The following ZNF264 variants were observed in gnomAD, a reference collection of about 807,000 sequenced individuals.
The protein encoded by ZNF264 is zinc finger protein 264.
Under a neutral mutation model 11.2 loss-of-function variants are expected in ZNF264, and 11 were observed. The observed-to-expected ratio is 0.98, with a 90% CI of 0.62 to 1.63. The LOEUF is 1.63. ZNF264 is among the 40% of genes most tolerant of loss of function. The pLI is 0.00. For synonymous variants in ZNF264, 309 were observed against 279.8 expected, an observed-to-expected ratio of 1.10 and a Z score of -1.04; for missense variants, 752 against 768.1, an observed-to-expected ratio of 0.98 and a Z score of 0.25.
In ZNF264 at chr19:57,212,786, GA is replaced by G. The variant is rs1568477500; in HGVS notation, c.1694del (p.Asn565IlefsTer5). On this transcript the variant is annotated frameshift_variant, in exon 4 of 4. Transcript: ENST00000263095. LOFTEE classifies it low-confidence loss of function (END_TRUNC). ...LTQHQRMHTG[K>X]NPISVTDVGR... ...CTCAGCATCAAAGGATGCATACTGGGAAAAATCCCATCAGTGTAACAGATGT... is the reference window on the plus strand; with the variant it reads ...CTCAGCATCAAAGGATGCATACTGGGAAAATCCCATCAGTGTAACAGATGT... 6 of 1,614,072 alleles carry G rather than the reference GA, an allele frequency of 3.7e-6. No individual in the cohort carries two copies. The highest frequency in any genetic ancestry group is 5.1e-6 in the Non-Finnish European group (6 of 1,179,926).
In ZNF264 at chr19:57,210,345, A is replaced by G. The variant is rs927039914; in HGVS notation, c.257-1009A>G. 3.9e-5 allele frequency among the ~76,000 whole-genome samples: 6 copies of G among 152,212 alleles called. No homozygotes were observed. The East Asian group carries it at 5.8e-4, about 15-fold the overall frequency. ...AGGTCTAACTCTTCCGACACGGACT[A>G]CAGGTTTGGGTCCCAAAGCCGTTGT... is the stretch of plus-strand genomic sequence containing the variant. On this transcript the variant is annotated intron_variant, in intron 3 of 3. Transcript: ENST00000263095.
Position 57,220,263 on chromosome 19 carries a change from A to G in ZNF264, c.*7282A>G, listed in dbSNP as rs2087408133. ...CTATAATCTGTTACTCTCATTCGAC[A>G]ATACATCTTGACTGTTTCTTCAACT... On this transcript the variant is annotated 3_prime_UTR_variant, in exon 4 of 4. Transcript: ENST00000263095. 1 of 152,228 alleles carries G rather than the reference A, an allele frequency of 6.6e-6. No individual in the cohort carries two copies. Among genetic ancestry groups the G allele is most frequent in the South Asian group, 2.1e-4 (1 of 4,830 alleles). The allele number at this position is 152,228 out of a possible 1,614,324, so 9.4% of individuals were successfully genotyped here.
rs115484981 is a variant in ZNF264 at position 57,212,553 on chromosome 19, G to A, written c.1456G>A (p.Val486Met). The A allele has an allele frequency of 2.7e-4, 436 of 1,613,654 alleles. 1 individual carries two copies. The highest frequency in any genetic ancestry group is 2.0e-3 in the African/African-American group (151 of 74,842). ...CACTGGAGAGAAGCCCTATGAGTGC[G>A]TGGAGTGTGGAAAGGCCTTCACCCG... ...IHTGEKPYEC[V>M]ECGKAFTRMS... The change falls in exon 4 of 4, where the codon GTG becomes ATG. Residue 486 changes from valine to methionine, a missense_variant. Val to Met is a conservative substitution (Grantham distance 21). Transcript: ENST00000263095.
At chr19:57,204,808 A>G (rs2087279782) in intron 2 of ZNF264, among the ~76,000 whole-genome samples, 1 of 152,210 alleles carries the variant, frequency 6.6e-6, no homozygotes, top group Non-Finnish European at 1.5e-5. Flanking sequence ...TGTCGTTGGC[A>G]TACCTGGACC....
Position 57,211,928 on chromosome 19 carries a change from C to T in ZNF264, c.831C>T (p.His277=), listed in dbSNP as rs2087339800. ...ACCGCAAGTCATACCTTACCCAGCACCAGCGGATTCACAGTGGAGAGAAGC... is the reference window on the plus strand; with the variant it reads ...ACCGCAAGTCATACCTTACCCAGCATCAGCGGATTCACAGTGGAGAGAAGC... The part of the protein sequence containing the change: ...AFNRKSYLTQ[H]QRIHSGEKPY... Residue 277 remains histidine, a synonymous_variant, in exon 4 of 4, where the codon CAC becomes CAT. Transcript: ENST00000263095. The T allele has an allele frequency of 6.2e-7, 1 of 1,613,762 alleles. No individual in the cohort carries two copies.
intron 2 of ZNF264, among the ~76,000 whole-genome samples, chr19:57,202,903 T>C (rs1244362412): frequency 6.7e-6 from 1 of 149,360 alleles, no homozygotes; most frequent in African/African-American, 2.6e-5. Context: ...GGTGGGGCAG[T>C]CTTGTGGACT....
chr19:57,201,448 G>C (rs1465819309), intron 2 of ZNF264, among the ~76,000 whole-genome samples: 1 of 151,966 alleles, frequency 6.6e-6, no homozygotes, highest in Non-Finnish European at 1.5e-5. Context: ...AAATAACTCA[G>C]TTAAGCAGCC....
At position 57,211,857 on chromosome 19, in the gene ZNF264, A is replaced by G. The variant is rs2087339060; in HGVS notation, c.760A>G (p.Thr254Ala). 2 of 1,614,130 alleles carry G rather than the reference A, an allele frequency of 1.2e-6. No homozygotes were observed. The highest frequency in any genetic ancestry group is 2.7e-5 in the African/African-American group (2 of 74,948). ...TCTCCTGCAACATCACATGATCCACACTGGGGAGAGGCCCTATGAGTGCAT... is the reference window on the plus strand; with the variant it reads ...TCTCCTGCAACATCACATGATCCACGCTGGGGAGAGGCCCTATGAGTGCAT... ...THLLQHHMIH[T>A]GERPYECMEC... The change falls in exon 4 of 4, where the codon ACT becomes GCT. Residue 254 changes from threonine to alanine, a missense_variant. By Grantham distance (58) the Thr-to-Ala change is moderately conservative (BLOSUM62 0). Coordinates refer to ENST00000263095, the MANE Select transcript of ZNF264 (RefSeq NM_003417.5).
Position 57,212,881 on chromosome 19 carries a change from T to G in ZNF264, c.1784T>G (p.Leu595Trp). The change falls in exon 4 of 4, where the codon TTG becomes TGG. Residue 595 changes from leucine to tryptophan, a missense_variant. Leu to Trp is a moderately conservative substitution (Grantham distance 61). Transcript: ENST00000263095. ...LRELLLGKDF[L>W]NVTTEANILP... ...GAACTTCTTTTAGGGAAGGACTTTTTGAATGTAACCACTGAGGCAAATATT... is the reference window on the plus strand; with the variant it reads ...GAACTTCTTTTAGGGAAGGACTTTTGGAATGTAACCACTGAGGCAAATATT... 6.2e-7 allele frequency: 1 copy of G among 1,614,234 alleles called. No individual in the cohort carries two copies. Among genetic ancestry groups the G allele is most frequent in the Non-Finnish European group, 8.5e-7 (1 of 1,180,044 alleles).
At chr19:57,199,929 G>A (rs2087238752) in intron 2 of ZNF264, among the ~76,000 whole-genome samples, 2 of 151,580 alleles carry the variant, frequency 1.3e-5, no homozygotes, top group South Asian at 4.2e-4. Context: ...AGCATGGGTC[G>A]GGGAGAGGAT....
rs762580543 is a variant in ZNF264 at position 57,213,646 on chromosome 19, G to A, written c.*665G>A. The A allele has an allele frequency of 6.6e-6, 1 of 152,142 alleles. No homozygotes were observed. The highest frequency in any genetic ancestry group is 1.5e-5 in the Non-Finnish European group (1 of 68,022). The allele number at this position is 152,142 out of a possible 1,614,324, so 9.4% of individuals were successfully genotyped here. A position where few individuals can be genotyped will look rare whatever the true frequency, so the allele number is the denominator to read the frequency against. ...GGTAAATTTTTAAATTGAGTAAAGTGATTCTTCTTTGCTCTTATTTAAAAT... is the reference window on the plus strand; with the variant it reads ...GGTAAATTTTTAAATTGAGTAAAGTAATTCTTCTTTGCTCTTATTTAAAAT... On this transcript the variant is annotated 3_prime_UTR_variant, in exon 4 of 4. Transcript: ENST00000263095.
intron 2 of ZNF264, among the ~76,000 whole-genome samples, chr19:57,200,124 G>A (rs1253260234): frequency 6.6e-6 from 1 of 151,760 alleles, no homozygotes; most frequent in Non-Finnish European, 1.5e-5. Flanking sequence ...TAGAGAAAAA[G>A]CTGAAATTGT....
chr19:57,197,575 C>T (rs2087221150), intron 2 of ZNF264, among the ~76,000 whole-genome samples: 1 of 151,922 alleles, frequency 6.6e-6, no homozygotes. Flanking sequence ...GCTTGCACAG[C>T]AGCCTAGACC....
intron 2 of ZNF264, among the ~76,000 whole-genome samples, chr19:57,195,710 T>C (rs999908913): frequency 5.3e-5 from 8 of 151,888 alleles, no homozygotes; most frequent in African/African-American, 1.7e-4. Flanking sequence ...ATCTTGATAG[T>C]CTGGGTCATT....
At position 57,191,635 on chromosome 19, in the gene ZNF264, C is replaced by T. The variant is rs950080018; in HGVS notation, c.-279C>T. 22 of 381,788 alleles carry T rather than the reference C, an allele frequency of 5.8e-5. No individual in the cohort carries two copies. Among genetic ancestry groups the T allele is most frequent in the Non-Finnish European group, 1.0e-4 (22 of 215,120 alleles). 23.7% of individuals were successfully genotyped at this position (381,788 alleles called of 1,614,324 possible). A position where few individuals can be genotyped will look rare whatever the true frequency, so the allele number is the denominator to read the frequency against. Reference sequence around the variant, plus strand: ...CCGCCGCACCTTTGTACGAGCCTGACCCCTTCCGTGGGTTTGTTCCTGGGT... The same window carrying T: ...CCGCCGCACCTTTGTACGAGCCTGATCCCTTCCGTGGGTTTGTTCCTGGGT... On this transcript the variant is annotated 5_prime_UTR_variant, in exon 1 of 4. Coordinates refer to ENST00000263095, the MANE Select transcript of ZNF264 (RefSeq NM_003417.5).
At chr19:57,197,716 A>C (rs961334325) in intron 2 of ZNF264, among the ~76,000 whole-genome samples, 3 of 151,970 alleles carry the variant, frequency 2.0e-5, no homozygotes, top group Non-Finnish European at 4.4e-5. Flanking sequence ...AAATAGGCCC[A>C]CTAGGCATTG....
chr19:57,211,617 G>A lies in ZNF264; in HGVS notation c.520G>A (p.Glu174Lys), dbSNP rs1487973241. The change falls in exon 4 of 4, where the codon GAG (glutamate) becomes AAG (lysine). Residue 174 changes from glutamate (E) to lysine (K), a missense_variant. By Grantham distance (56) the Glu-to-Lys change is moderately conservative. Coordinates refer to ENST00000263095, the MANE Select transcript of ZNF264 (RefSeq NM_003417.5). ...TGGTGTGTGTTCAAGGATTGGACAG[G>A]AGCAAGTCTCTCCAGGAGATAGAGT... Reference protein sequence around the residue: ...ADGVCSRIGQEQVSPGDRVRS... With the variant: ...ADGVCSRIGQKQVSPGDRVRS... 6.2e-7 allele frequency: 1 copy of A among 1,614,010 alleles called. No individual in the cohort carries two copies. Among genetic ancestry groups the A allele is most frequent in the Non-Finnish European group, 8.5e-7 (1 of 1,180,012 alleles).
At chr19:57,207,545 C>CTTTTTTT (rs757880568) in intron 3 of ZNF264, among the ~76,000 whole-genome samples, 17 of 103,116 alleles carry the variant, frequency 1.6e-4, no homozygotes, top group East Asian at 2.6e-4. Flanking sequence ...TTTTTCTTTT[C>CTTTTTTT]TTTTTTTTTT....
At position 57,219,753 on chromosome 19, in the gene ZNF264, CAT is replaced by C. The variant is rs1477690151; in HGVS notation, c.*6773_*6774del. The C allele has an allele frequency of 5.9e-5, 9 of 152,248 alleles. No individual in the cohort carries two copies. Among genetic ancestry groups the C allele is most frequent in the African/African-American group, 2.2e-4 (9 of 41,464 alleles). The allele number at this position is 152,248 out of a possible 1,614,324, so 9.4% of individuals were successfully genotyped here. A position where few individuals can be genotyped will look rare whatever the true frequency, so the allele number is the denominator to read the frequency against. Reference sequence around the variant, plus strand: ...TGAATGAGATGGTTCCTGCTGAAGACATTTACTTTCAATGATCTACAGAATTT... The same window carrying C: ...TGAATGAGATGGTTCCTGCTGAAGACTTACTTTCAATGATCTACAGAATTT... On this transcript the variant is annotated 3_prime_UTR_variant, in exon 4 of 4. Transcript: ENST00000263095.
Sources: allele counts gnomAD v4.1 joint callset (sites outside exome capture counted in the v4.1 genomes callset), GRCh38; gene constraint gnomAD v4.1.1; transcripts MANE v1.5; gene names NCBI Gene and HGNC (gene_info 2026-07-23, HGNC 2026-07-21).